CDC73: variants seen among roughly 807,000 people sequenced by gnomAD.
The protein encoded by CDC73 is parafibromin.
A neutral mutation model predicts 83.7 loss-of-function variants in CDC73; 21 were observed. That is an observed-to-expected ratio of 0.25 (90% confidence interval 0.18 to 0.36). CDC73 has a LOEUF of 0.36. Ranked by LOEUF, CDC73 falls within the 10% of genes least tolerant of loss-of-function variation. CDC73 has a pLI of 1.00. For synonymous variants in CDC73, 224 were observed against 212.9 expected, an observed-to-expected ratio of 1.05 and a Z score of -0.45; for missense variants, 342 against 653.3, an observed-to-expected ratio of 0.52 and a Z score of 5.19.
At chr1:193,178,222 C>T (rs990057415) in intron 10 of CDC73, among the ~76,000 whole-genome samples, 21 of 151,980 alleles carry the variant, frequency 1.4e-4, no homozygotes, top group Non-Finnish European at 2.4e-4. Flanking sequence ...ACTGTTTGAT[C>T]CAGTCGCCTT....
chr1:193,199,693 A>T (rs1414847955), intron 10 of CDC73, among the ~76,000 whole-genome samples: 1 of 151,040 alleles, frequency 6.6e-6, no homozygotes, highest in Admixed American at 6.6e-5. Flanking sequence ...CCTGGGTGAC[A>T]GAGCAAGACT....
chr1:193,217,113 C>T (rs914034404), intron 13 of CDC73, among the ~76,000 whole-genome samples: 4 of 152,104 alleles, frequency 2.6e-5, no homozygotes, highest in South Asian at 2.1e-4. Flanking sequence ...CCAGGGCTTG[C>T]GGTGGGGGTG....
intron 10 of CDC73, among the ~76,000 whole-genome samples, chr1:193,161,537 C>A: frequency 7.5e-6 from 1 of 132,540 alleles, no homozygotes; most frequent in Non-Finnish European, 1.6e-5. Flanking sequence ...GAAATCAAGT[C>A]AATTTAACTT....
chr1:193,185,327 A>G (rs1158630482), intron 10 of CDC73, among the ~76,000 whole-genome samples: 2 of 152,042 alleles, frequency 1.3e-5, no homozygotes, highest in African/African-American at 2.4e-5. Flanking sequence ...TTAAAGTTCT[A>G]TTCATGGTCA....
intron 7 of CDC73, among the ~76,000 whole-genome samples, chr1:193,147,492 C>T (rs150081248): frequency 6.6e-6 from 1 of 151,700 alleles, no homozygotes; most frequent in Non-Finnish European, 1.5e-5. Flanking sequence ...CTCAGCCTCC[C>T]GAGTAGCTGG....
At chr1:193,162,845 C>A (rs1031291328) in intron 10 of CDC73, among the ~76,000 whole-genome samples, 2 of 151,964 alleles carry the variant, frequency 1.3e-5, no homozygotes, top group African/African-American at 4.8e-5. Context: ...ATGTGTGGTG[C>A]CATAAATATT....
At chr1:193,195,496 A>AT (rs975004507) in intron 10 of CDC73, among the ~76,000 whole-genome samples, 3 of 152,084 alleles carry the variant, frequency 2.0e-5, no homozygotes, top group Non-Finnish European at 4.4e-5. Context: ...GTGATTTCAA[A>AT]TTTTTTTGGA....
At chr1:193,215,021 C>T (rs1214894177) in intron 13 of CDC73, among the ~76,000 whole-genome samples, 1 of 152,168 alleles carries the variant, frequency 6.6e-6, no homozygotes, top group Non-Finnish European at 1.5e-5. Context: ...ACTGGTTTGT[C>T]ACTAGTTGCA....
In CDC73 at chr1:193,249,883, T is replaced by C. The variant is rs1406783250; in HGVS notation, c.1559+12T>C. The C allele has an allele frequency of 6.2e-7, 1 of 1,611,328 alleles. No homozygotes were observed. Among genetic ancestry groups the C allele is most frequent in the Non-Finnish European group, 8.5e-7 (1 of 1,177,774 alleles). On this transcript the variant is annotated intron_variant, in intron 16 of 16. Coordinates refer to ENST00000367435, the MANE Select transcript of CDC73 (RefSeq NM_024529.5). ...GAAACATTGGACAGGTAATTCCGAT[T>C]CTAAAATATGCTTGTGTGTGTTTTA...
chr1:193,181,785 C>A, intron 10 of CDC73: 2 of 423,472 alleles, frequency 4.7e-6, no homozygotes, highest in Non-Finnish European at 8.3e-6. Context: ...GAAAATATAA[C>A]CCAGGAACGA....
intron 5 of CDC73, among the ~76,000 whole-genome samples, chr1:193,136,845 C>T (rs372442660): frequency 4.7e-4 from 71 of 152,294 alleles, no homozygotes; most frequent in African/African-American, 1.5e-3. Context: ...TGAGCCACTG[C>T]GCCCAGCTCA....
At position 193,156,874 on chromosome 1, in the gene CDC73, G is replaced by A. The variant is rs191942090; in HGVS notation, c.972+4430G>A. Among the ~76,000 whole-genome samples, 18 of 152,202 alleles carry A rather than the reference G, an allele frequency of 1.2e-4. 1 individual carries two copies. The East Asian group carries it at 2.9e-3, about 24-fold the overall frequency. On this transcript the variant is annotated intron_variant, in intron 10 of 16. Coordinates refer to ENST00000367435, the MANE Select transcript of CDC73 (RefSeq NM_024529.5). Reference sequence around the variant, plus strand: ...GTGCATGCTGTGTGCCTGGCAGTGTGCTGAGTGCTGGGACATCAAAGATGA... The same window carrying A: ...GTGCATGCTGTGTGCCTGGCAGTGTACTGAGTGCTGGGACATCAAAGATGA...
rs140085819 is a variant in CDC73 at position 193,188,757 on chromosome 1, T to C, written c.973-15038T>C. Among the ~76,000 whole-genome samples the C allele has an allele frequency of 2.6e-5, 4 of 152,272 alleles. No homozygotes were observed. The East Asian group carries it at 7.7e-4, about 29-fold the overall frequency. On this transcript the variant is annotated intron_variant, in intron 10 of 16. Transcript: ENST00000367435. Reference sequence around the variant, plus strand: ...GAGAGTTATATGGGTAACGTATTCATTAGTGGGTCCCTCCAGTATCGGATT... The same window carrying C: ...GAGAGTTATATGGGTAACGTATTCACTAGTGGGTCCCTCCAGTATCGGATT...
intron 10 of CDC73, among the ~76,000 whole-genome samples, chr1:193,176,833 T>C (rs1172904806): frequency 6.6e-6 from 1 of 152,208 alleles, no homozygotes; most frequent in Non-Finnish European, 1.5e-5. Context: ...CTTTTATCTA[T>C]TAAAAATTAG....
intron 10 of CDC73, chr1:193,186,507 C>G (rs1028500973): frequency 6.6e-6 from 1 of 152,538 alleles, no homozygotes; most frequent in East Asian, 1.9e-4. Context: ...TTCGTTGTTG[C>G]CTGGCAGCTG....
chr1:193,164,427 A>C (rs1676399017), intron 10 of CDC73, among the ~76,000 whole-genome samples: 1 of 152,148 alleles, frequency 6.6e-6, no homozygotes, highest in South Asian at 2.1e-4. Context: ...CATTTTAATT[A>C]AGCTTATGAG....
At chr1:193,194,185 A>G (rs774774739) in intron 10 of CDC73, among the ~76,000 whole-genome samples, 2 of 152,214 alleles carry the variant, frequency 1.3e-5, no homozygotes, top group African/African-American at 2.4e-5. Flanking sequence ...TGCACATTCA[A>G]GGTTGTACTA....
At chr1:193,157,148 AAGC>A (rs1676220965) in intron 10 of CDC73, among the ~76,000 whole-genome samples, 1 of 152,206 alleles carries the variant, frequency 6.6e-6, no homozygotes. Context: ...AGTGAACAAA[AAGC>A]AGTAGTAAAA....
intron 2 of CDC73, 65 bp downstream of exon 2, chr1:193,125,282 A>G: frequency 9.5e-7 from 1 of 1,051,668 alleles, no homozygotes. Flanking sequence ...TTTAAGAGAC[A>G]GGGTCTGGCC....
Sources: allele counts gnomAD v4.1 joint callset (sites outside exome capture counted in the v4.1 genomes callset), GRCh38; gene constraint gnomAD v4.1.1; transcripts MANE v1.5; gene names NCBI Gene and HGNC (gene_info 2026-07-23, HGNC 2026-07-21).